Variants in IQCH observed in about 807,000 individuals in gnomAD.
IQCH encodes IQ motif containing H.
Under a neutral mutation model 117.0 loss-of-function variants are expected in IQCH, and 98 were observed. That is an observed-to-expected ratio of 0.84 (90% CI 0.71 to 0.99). The LOEUF (loss-of-function observed/expected upper bound fraction) is 0.99, where lower values mean the gene tolerates loss of function less well. Among genes scored for constraint, IQCH ranks in the 50% least tolerant of loss-of-function variants. The pLI, the probability that IQCH is intolerant of heterozygous loss-of-function variation, is 0.00. For missense variants in IQCH, 1,102 were observed against 1,243.8 expected (o/e 0.89, Z 1.72); for synonymous variants, 412 against 448.2 (o/e 0.92, Z 1.02).
Position 67,395,656 on chromosome 15 carries a change from C to A in IQCH, c.1905+93C>A. ...CCAAGTCTTCTGGAGCCAGACCTAC[C>A]CAATGAAGAATAGGTGGAATATTTG... On this transcript the variant is annotated intron_variant, in intron 13 of 20. Transcript: ENST00000335894. This position sits in a 1 kb window ranked among gnomAD's most constrained non-coding sequence, Gnocchi z 4.0. 1 of 1,070,158 alleles carries A rather than the reference C, an allele frequency of 9.3e-7. No homozygotes were observed. Among genetic ancestry groups the A allele is most frequent in the Non-Finnish European group, 1.4e-6 (1 of 729,714 alleles). The allele number at this position is 1,070,158 out of a possible 1,614,324, so 66.3% of individuals were successfully genotyped here.
At chr15:67,300,128 C>G (rs1183060951) in intron 4 of IQCH, among the ~76,000 whole-genome samples, 1 of 152,038 alleles carries the variant, frequency 6.6e-6, no homozygotes, top group Non-Finnish European at 1.5e-5. Context: ...TAATTACTTA[C>G]TTTTGCTTAA....
intron 1 of IQCH, among the ~76,000 whole-genome samples, chr15:67,257,038 T>C (rs1487932983): frequency 6.6e-6 from 1 of 152,226 alleles, no homozygotes; most frequent in Non-Finnish European, 1.5e-5. Context: ...CTATGATTTA[T>C]TTCCCTCAGA....
At chr15:67,488,125 C>T in intron 18 of IQCH, among the ~76,000 whole-genome samples, 1 of 152,082 alleles carries the variant, frequency 6.6e-6, no homozygotes, top group Non-Finnish European at 1.5e-5. Context: ...CCAGCCTAAG[C>T]AACAAGGCAA....
chr15:67,311,782 T>C (rs1967609087), intron 4 of IQCH, among the ~76,000 whole-genome samples: 2 of 152,136 alleles, frequency 1.3e-5, no homozygotes. Context: ...CTGCTGAAAA[T>C]AAATTTGCAA....
chr15:67,276,876 A>AT (rs1966147249), intron 3 of IQCH, among the ~76,000 whole-genome samples: 1 of 152,100 alleles, frequency 6.6e-6, no homozygotes, highest in Admixed American at 6.6e-5. Flanking sequence ...TCTGTCATTA[A>AT]TTTTGGGAAA....
At position 67,467,742 on chromosome 15, in the gene IQCH, C is replaced by T. The variant is rs1227352993; in HGVS notation, c.2676+2445C>T. Among the ~76,000 whole-genome samples the T allele has an allele frequency of 6.6e-6, 1 of 152,116 alleles. No individual in the cohort carries two copies. Among genetic ancestry groups the T allele is most frequent in the Non-Finnish European group, 1.5e-5 (1 of 68,034 alleles). Reference sequence around the variant, plus strand: ...AACAAGTGTGAACAGACTATGATGCCGTCAAGTTTATGATCAGGCAGTTGA... The same window carrying T: ...AACAAGTGTGAACAGACTATGATGCTGTCAAGTTTATGATCAGGCAGTTGA... On this transcript the variant is annotated intron_variant, in intron 17 of 20. Coordinates refer to ENST00000335894, the MANE Select transcript of IQCH (RefSeq NM_001031715.3). This position sits in a 1 kb window ranked among gnomAD's most constrained non-coding sequence, Gnocchi z 5.7.
At chr15:67,266,059 G>A (rs1283437142) in intron 3 of IQCH, among the ~76,000 whole-genome samples, 2 of 152,012 alleles carry the variant, frequency 1.3e-5, no homozygotes, top group East Asian at 3.8e-4. Context: ...TGGGACAGAA[G>A]CAGGACCTGG....
intron 15 of IQCH, among the ~76,000 whole-genome samples, chr15:67,418,391 A>C (rs1473053373): frequency 6.6e-6 from 1 of 152,016 alleles, no homozygotes; most frequent in Non-Finnish European, 1.5e-5. Context: ...GTTGTGCTAG[A>C]CAAGTTCCAA....
At chr15:67,482,354 T>G (rs1442136871) in intron 18 of IQCH, among the ~76,000 whole-genome samples, 2 of 152,260 alleles carry the variant, frequency 1.3e-5, no homozygotes, top group Non-Finnish European at 2.9e-5. Flanking sequence ...TACCCAGTCC[T>G]GTTCCACCAG....
At chr15:67,307,032 T>C (rs1967332439) in intron 4 of IQCH, 3 of 1,331,028 alleles carry the variant, frequency 2.3e-6, no homozygotes, top group African/African-American at 1.5e-5. Flanking sequence ...AAAAGAACAA[T>C]TATGAATGCA....
intron 4 of IQCH, among the ~76,000 whole-genome samples, chr15:67,330,311 G>C (rs1404948230): frequency 6.6e-6 from 1 of 152,150 alleles, no homozygotes; most frequent in Non-Finnish European, 1.5e-5. Context: ...AAAATTACTT[G>C]CCCTGTGGAT....
chr15:67,308,040 A>G (rs1309029843), intron 4 of IQCH, among the ~76,000 whole-genome samples: 3 of 152,140 alleles, frequency 2.0e-5, no homozygotes, highest in African/African-American at 7.2e-5. Context: ...CCTGATTGTG[A>G]TGCTATGGGC....
Position 67,413,807 on chromosome 15 carries a change from C to G in IQCH, c.2098-3124C>G, listed in dbSNP as rs563300648. Among the ~76,000 whole-genome samples the G allele has an allele frequency of 6.6e-6, 1 of 152,120 alleles. No individual in the cohort carries two copies. Among genetic ancestry groups the G allele is most frequent in the African/African-American group, 2.4e-5 (1 of 41,400 alleles). ...GCTGTGTACCTCTCATGGTAGGACA[C>G]GATTACTCCTCCAGATTCCAGCAGC... is the stretch of plus-strand genomic sequence containing the variant. On this transcript the variant is annotated intron_variant, in intron 14 of 20. Coordinates refer to ENST00000335894, the MANE Select transcript of IQCH (RefSeq NM_001031715.3). The surrounding 1 kb of genome is among the most constrained non-coding windows in gnomAD (Gnocchi z 5.0).
chr15:67,295,938 T>C (rs1966849708), intron 4 of IQCH, among the ~76,000 whole-genome samples: 1 of 152,194 alleles, frequency 6.6e-6, no homozygotes, highest in African/African-American at 2.4e-5. Context: ...AGTCTAATTG[T>C]TGTCTCCTCA....
intron 14 of IQCH, among the ~76,000 whole-genome samples, 196 bp downstream of exon 14, chr15:67,400,501 T>TTTTTTTTTTCTTTTGAGATGGGGCCTCAC (rs1406842568): frequency 1.4e-5 from 2 of 147,548 alleles, no homozygotes; most frequent in South Asian, 2.2e-4. Flanking sequence ...CTTTTTTTTT[T>TTTTTTTTTTCTTTTGAGATGGGGCCTCAC]TGAGATGGGG....
intron 9 of IQCH, 138 bp downstream of exon 9, chr15:67,372,800 C>A (rs1970595175): frequency 3.0e-6 from 2 of 673,064 alleles, no homozygotes. Flanking sequence ...GCCTTTCACT[C>A]CCCTCAATGT....
intron 3 of IQCH, among the ~76,000 whole-genome samples, chr15:67,265,135 T>G (rs1425285106): frequency 6.6e-6 from 1 of 152,260 alleles, no homozygotes; most frequent in African/African-American, 2.4e-5. Flanking sequence ...CTTTATCCTT[T>G]CATCTTGACA....
chr15:67,293,405 C>A (rs1376212121), intron 4 of IQCH, among the ~76,000 whole-genome samples: 1 of 152,094 alleles, frequency 6.6e-6, no homozygotes, highest in Non-Finnish European at 1.5e-5. Flanking sequence ...ATGCTCAAAA[C>A]CCTGATATAA....
intron 14 of IQCH, 98 bp downstream of exon 14, chr15:67,400,403 CT>C: frequency 1.3e-6 from 1 of 795,666 alleles, no homozygotes; most frequent in Non-Finnish European, 2.1e-6. Flanking sequence ...TTCCTCTCTA[CT>C]TAGCTCTGTC....
Sources: gnomAD v4.1 joint callset for allele counts (sites outside exome capture counted in the v4.1 genomes callset) on GRCh38, gnomAD v4.1.1 for gene constraint, Gnocchi (gnomAD v3.1) non-coding constraint, MANE v1.5 for transcripts, NCBI Gene and HGNC (gene_info 2026-07-23, HGNC 2026-07-21) for gene names.